The following THSD4 variants were observed in gnomAD, a reference collection of about 807,000 sequenced individuals.
THSD4 encodes the protein thrombospondin type-1 domain-containing protein 4.
THSD4 carries 69 observed loss-of-function variants against 119.0 expected under a neutral mutation model. The observed-to-expected ratio is 0.58, with a 90% CI of 0.48 to 0.71. The LOEUF (loss-of-function observed/expected upper bound fraction) is 0.71. THSD4 is among the 30% of genes least tolerant of loss of function. The pLI is 0.00. For missense variants in THSD4, 1,393 were observed against 1,391.1 expected, an observed-to-expected ratio of 1.00 and a Z score of -0.02; for synonymous variants, 524 against 540.4, an observed-to-expected ratio of 0.97 and a Z score of 0.42.
chr15:71,536,387 A>C (rs7169730), intron 7 of THSD4, among the ~76,000 whole-genome samples: 115,788 of 152,078 alleles, frequency 0.76, 44,298 homozygotes, highest in East Asian at 0.95. Flanking sequence ...CATTTAAGGA[A>C]CCTTGTGATT....
chr15:71,540,374 G>A (rs2048742518), intron 7 of THSD4, among the ~76,000 whole-genome samples: 1 of 149,496 alleles, frequency 6.7e-6, no homozygotes, highest in Non-Finnish European at 1.5e-5. Context: ...CTGACCTCAT[G>A]ATCCACCTGC....
chr15:71,368,326 T>C (rs2045994946), intron 6 of THSD4, among the ~76,000 whole-genome samples: 1 of 152,246 alleles, frequency 6.6e-6, no homozygotes, highest in Admixed American at 6.5e-5. Context: ...TTGTTGCCAT[T>C]GCTTTTGGTG....
intron 6 of THSD4, among the ~76,000 whole-genome samples, chr15:71,277,109 T>C (rs1246657716): frequency 6.6e-6 from 1 of 151,434 alleles, no homozygotes; most frequent in African/African-American, 2.4e-5. Flanking sequence ...CAACTATTTG[T>C]ATTTGAATTC....
Position 71,610,272 on chromosome 15 carries a change from G to A in THSD4, c.1153-50258G>A, listed in dbSNP as rs200681911. ...GTGAGATGTGTCATGCCCACTACAG[G>A]CCCCTCCTTTAGAGAGGGCACCTTC... On this transcript the variant is annotated intron_variant, in intron 7 of 17. Coordinates refer to ENST00000261862, the MANE Select transcript of THSD4 (RefSeq NM_024817.3). Among the ~76,000 whole-genome samples, 35 of 152,178 alleles carry A rather than the reference G, an allele frequency of 2.3e-4. No individual in the cohort carries two copies. In the South Asian group the frequency reaches 5.6e-3, roughly 24 times the overall value.
At chr15:71,499,925 G>A (rs1182594465) in intron 7 of THSD4, among the ~76,000 whole-genome samples, 2 of 152,154 alleles carry the variant, frequency 1.3e-5, no homozygotes, top group Non-Finnish European at 2.9e-5. Flanking sequence ...GCTATTGTGA[G>A]TCATGTAGCA....
intron 7 of THSD4, among the ~76,000 whole-genome samples, chr15:71,511,440 C>T (rs1254632290): frequency 6.6e-6 from 1 of 152,126 alleles, no homozygotes; most frequent in African/African-American, 2.4e-5. Flanking sequence ...TTGAACACCA[C>T]AGATTTTTGT....
At chr15:71,754,801 A>C (rs1212418985) in intron 14 of THSD4, among the ~76,000 whole-genome samples, 1 of 144,594 alleles carries the variant, frequency 6.9e-6, no homozygotes, top group Admixed American at 7.3e-5. Context: ...CTTCATAGGA[A>C]AGAAGTGACA....
chr15:71,185,201 A>G (rs1227022747), intron 3 of THSD4, among the ~76,000 whole-genome samples: 3 of 151,862 alleles, frequency 2.0e-5, no homozygotes, highest in Admixed American at 6.6e-5. Context: ...CATCCCAGAT[A>G]CAGGATTCCT....
intron 1 of THSD4, among the ~76,000 whole-genome samples, chr15:71,125,919 A>G (rs535893894): frequency 6.6e-6 from 1 of 152,238 alleles, no homozygotes; most frequent in Non-Finnish European, 1.5e-5. Flanking sequence ...GCACAGCCAC[A>G]TGTGCTTTCT....
intron 7 of THSD4, among the ~76,000 whole-genome samples, chr15:71,420,271 TTGTC>T (rs1290365401): frequency 9.2e-6 from 1 of 108,724 alleles, no homozygotes; most frequent in Non-Finnish European, 2.0e-5. Flanking sequence ...GAAATTTAGT[TTGTC>T]TAAGTATAGC....
intron 7 of THSD4, among the ~76,000 whole-genome samples, chr15:71,556,252 C>T (rs1264874771): frequency 2.0e-5 from 3 of 152,106 alleles, no homozygotes; most frequent in African/African-American, 7.2e-5. Context: ...TGACATTGAG[C>T]CATTCTATCC....
Position 71,512,744 on chromosome 15 carries a change from C to T in THSD4, c.1152+100921C>T, listed in dbSNP as rs116828601. Among the ~76,000 whole-genome samples the T allele has an allele frequency of 8.4e-3, 1,263 of 151,158 alleles. 21 individuals are homozygous for T. Among genetic ancestry groups the T allele is most frequent in the African/African-American group, 0.029 (1,197 of 41,058 alleles). The stretch of plus-strand genomic sequence containing the variant: ...TACTAGAATTCTTTTCCTTTTTTTT[C>T]TTTTTTTTAAGAAATAAAAAGTATC... On this transcript the variant is annotated intron_variant, in intron 7 of 17. Transcript: ENST00000261862.
chr15:71,772,105 C>A (rs2053832636), intron 17 of THSD4, among the ~76,000 whole-genome samples: 1 of 152,228 alleles, frequency 6.6e-6, no homozygotes, highest in Non-Finnish European at 1.5e-5. Context: ...TCAGTAGCTT[C>A]TTCACAGTCT....
intron 7 of THSD4, among the ~76,000 whole-genome samples, chr15:71,604,031 GC>G (rs2050061739): frequency 6.6e-6 from 1 of 152,194 alleles, no homozygotes; most frequent in African/African-American, 2.4e-5. Context: ...CTCTTAAGTT[GC>G]TCTCCTTTTT....
At chr15:71,218,584 G>A (rs1448590861) in intron 4 of THSD4, among the ~76,000 whole-genome samples, 1 of 152,198 alleles carries the variant, frequency 6.6e-6, no homozygotes, top group East Asian at 1.9e-4. Flanking sequence ...GACAGTTACT[G>A]ATGAAATAAT....
chr15:71,512,973 C>T (rs1207525349), intron 7 of THSD4, among the ~76,000 whole-genome samples: 1 of 152,066 alleles, frequency 6.6e-6, no homozygotes, highest in African/African-American at 2.4e-5. Context: ...AGCTCAAAAC[C>T]CAGTGTTTTA....
chr15:71,755,779 A>T (rs936690433), intron 14 of THSD4, among the ~76,000 whole-genome samples: 1 of 151,514 alleles, frequency 6.6e-6, no homozygotes, highest in African/African-American at 2.4e-5. Flanking sequence ...AGCAGCACAT[A>T]GAGTGCCATG....
chr15:71,644,541 G>A (rs2050930034), intron 7 of THSD4, among the ~76,000 whole-genome samples: 1 of 152,060 alleles, frequency 6.6e-6, no homozygotes. Flanking sequence ...ATTCAAATTT[G>A]ACTTTCACGG....
chr15:71,205,060 G>A (rs1445197209), intron 3 of THSD4, among the ~76,000 whole-genome samples: 2 of 152,268 alleles, frequency 1.3e-5, no homozygotes, highest in Non-Finnish European at 2.9e-5. Flanking sequence ...AAATCACTGG[G>A]GAGCTTATTT....
Sources: gnomAD v4.1 joint callset for allele counts (sites outside exome capture counted in the v4.1 genomes callset) on GRCh38, gnomAD v4.1.1 for gene constraint, MANE v1.5 for transcripts, NCBI Gene and HGNC (gene_info 2026-07-23, HGNC 2026-07-21) for gene names.